PTPRM: variants seen among roughly 807,000 people sequenced by gnomAD.
The protein encoded by PTPRM is receptor-type tyrosine-protein phosphatase mu.
PTPRM carries 47 observed loss-of-function variants against 186.7 expected under a neutral mutation model. The observed-to-expected ratio is 0.25, with a 90% CI of 0.20 to 0.32. PTPRM has a LOEUF of 0.32. Ranked by LOEUF, PTPRM falls within the 10% of genes least tolerant of loss-of-function variation. The pLI, the probability that PTPRM is intolerant of heterozygous loss-of-function variation, is 1.00. For missense variants in PTPRM, 1,494 were observed against 1,865.0 expected (o/e 0.80, Z 3.66); for synonymous variants, 668 against 674.9 (o/e 0.99, Z 0.16).
chr18:8,354,116 G>A (rs1325319850), intron 23 of PTPRM, among the ~76,000 whole-genome samples: 1 of 152,044 alleles, frequency 6.6e-6, no homozygotes, highest in Non-Finnish European at 1.5e-5. Flanking sequence ...GGGAGGCTGA[G>A]GCAGGAGAAT....
rs79162805 is a variant in PTPRM at position 7,891,171 on chromosome 18, A to G, written c.468+2794A>G. ...CATGGTGGCGTGTGCCTGTAGTTGC[A>G]GCTACTCAGGAGGCTGAGGCTGGAA... On this transcript the variant is annotated intron_variant, in intron 3 of 32. Coordinates refer to ENST00000580170, the MANE Select transcript of PTPRM (RefSeq NM_001105244.2). Among the ~76,000 whole-genome samples, 700 of 151,478 alleles carry G rather than the reference A, an allele frequency of 4.6e-3. 8 individuals carry two copies. The highest frequency in any genetic ancestry group is 0.016 in the African/African-American group (663 of 41,330).
chr18:8,234,933 T>A (rs2094326994), intron 14 of PTPRM, among the ~76,000 whole-genome samples: 1 of 152,140 alleles, frequency 6.6e-6, no homozygotes, highest in African/African-American at 2.4e-5. Flanking sequence ...CTGAAATATA[T>A]TCTACTTGGC....
chr18:8,078,910 C>T (rs894995855), intron 9 of PTPRM, among the ~76,000 whole-genome samples: 2 of 152,146 alleles, frequency 1.3e-5, no homozygotes, highest in African/African-American at 2.4e-5. Context: ...AAGCCGTTCA[C>T]GAAGGTTCTG....
chr18:8,344,998 G>T (rs2095497555), intron 23 of PTPRM, among the ~76,000 whole-genome samples: 1 of 152,122 alleles, frequency 6.6e-6, no homozygotes, highest in African/African-American at 2.4e-5. Context: ...ACTTAGGTAG[G>T]ATCTGTGGGG....
chr18:7,886,913 GT>G (rs1412160148), intron 2 of PTPRM, among the ~76,000 whole-genome samples: 1 of 152,124 alleles, frequency 6.6e-6, no homozygotes, highest in Admixed American at 6.5e-5. Context: ...TGGTCTTCTT[GT>G]TTTGCTGTTT....
At chr18:8,372,862 GT>G (rs1041628571) in intron 24 of PTPRM, among the ~76,000 whole-genome samples, 1 of 152,046 alleles carries the variant, frequency 6.6e-6, no homozygotes, top group South Asian at 2.1e-4. Context: ...TAAACATGGA[GT>G]TTTTTTGAAC....
At chr18:8,141,095 C>T (rs2092756404) in intron 13 of PTPRM, among the ~76,000 whole-genome samples, 1 of 152,020 alleles carries the variant, frequency 6.6e-6, no homozygotes, top group African/African-American at 2.4e-5. Flanking sequence ...TTAAGGAGAG[C>T]CTAAAGATGT....
At chr18:7,928,005 G>C (rs562533252) in intron 5 of PTPRM, among the ~76,000 whole-genome samples, 1 of 152,252 alleles carries the variant, frequency 6.6e-6, no homozygotes, top group South Asian at 2.1e-4. Flanking sequence ...GCCTCCTAAA[G>C]TGCTGGGATT....
rs541223141 is a variant in PTPRM at position 7,954,971 on chromosome 18, A to T, written c.839-150A>T. ...ATGCTATGAAAATCTTTTTCAACATACTTTTTCTTGTTAACCCAAACAAAA... is the reference window on the plus strand; with the variant it reads ...ATGCTATGAAAATCTTTTTCAACATTCTTTTTCTTGTTAACCCAAACAAAA... On this transcript the variant is annotated intron_variant, in intron 6 of 32. Coordinates refer to ENST00000580170, the MANE Select transcript of PTPRM (RefSeq NM_001105244.2). 124 of 734,284 alleles carry T rather than the reference A, an allele frequency of 1.7e-4. No homozygotes were observed. In the African/African-American group the frequency reaches 2.0e-3, roughly 12 times the overall value. 45.5% of individuals were successfully genotyped at this position (734,284 alleles called of 1,614,324 possible).
intron 14 of PTPRM, among the ~76,000 whole-genome samples, chr18:8,240,801 AG>A (rs2094422866): frequency 8.1e-5 from 3 of 36,896 alleles, no homozygotes; most frequent in African/African-American, 3.4e-4. Flanking sequence ...AGAGAGAGAG[AG>A]AGAGAGAGAG....
At chr18:7,669,925 G>A (rs1437976956) in intron 1 of PTPRM, among the ~76,000 whole-genome samples, 1 of 151,852 alleles carries the variant, frequency 6.6e-6, no homozygotes, top group African/African-American at 2.4e-5. Context: ...TGTATTTTTA[G>A]TAGAGAAAGG....
At position 8,394,603 on chromosome 18, in the gene PTPRM, G is replaced by T; in HGVS notation, c.4336G>T (p.Asp1446Tyr). 6.2e-7 allele frequency: 1 copy of T among 1,609,970 alleles called. No homozygotes were observed. Among genetic ancestry groups the T allele is most frequent in the South Asian group, 1.1e-5 (1 of 90,216 alleles). The change falls in exon 32 of 33, where the codon GAC (aspartate) becomes TAC (tyrosine). Residue 1446 changes from aspartate (D) to tyrosine (Y), a missense_variant. Physicochemically the swap from Asp to Tyr is radical, Grantham distance 160. Around this residue, in one of 3 missense-constraint regions of PTPRM, gnomAD observed 1,107 missense variants for 1,350.2 expected, o/e 0.82. Transcript: ENST00000580170. Reference sequence around the variant, plus strand: ...GAGGAACAACAAGCCCAACATGGTCGACCTCCTGGTAGGACACCCCCTCTG... The same window carrying T: ...GAGGAACAACAAGCCCAACATGGTCTACCTCCTGGTAGGACACCCCCTCTG... The part of the protein sequence containing the change: ...TLRNNKPNMV[D>Y]LLDQYKFCYE...
chr18:8,195,087 C>G (rs2093758550), intron 14 of PTPRM, among the ~76,000 whole-genome samples: 3 of 151,620 alleles, frequency 2.0e-5, no homozygotes, highest in Admixed American at 6.6e-5. Flanking sequence ...GTCATCCACA[C>G]TTTGGCCAGG....
chr18:7,618,438 C>T (rs539909877), intron 1 of PTPRM, among the ~76,000 whole-genome samples: 65 of 152,194 alleles, frequency 4.3e-4, no homozygotes, highest in Non-Finnish European at 7.1e-4. Flanking sequence ...CAGTTTGAAA[C>T]TTCTATTTAG....
intron 14 of PTPRM, among the ~76,000 whole-genome samples, chr18:8,144,045 C>T (rs140294855): frequency 6.6e-6 from 1 of 152,284 alleles, no homozygotes; most frequent in East Asian, 1.9e-4. Flanking sequence ...GCAGATAAAG[C>T]TCTGCAAAAT....
At chr18:7,744,718 C>A (rs566322977) in intron 1 of PTPRM, among the ~76,000 whole-genome samples, 2 of 152,188 alleles carry the variant, frequency 1.3e-5, no homozygotes, top group Admixed American at 6.5e-5. Context: ...GTATTGGACA[C>A]CCCCAATATT....
intron 2 of PTPRM, among the ~76,000 whole-genome samples, chr18:7,833,470 A>G (rs529389458): frequency 2.0e-5 from 3 of 152,282 alleles, no homozygotes; most frequent in African/African-American, 7.2e-5. Flanking sequence ...GCAGTGGCCC[A>G]TGCCTGTAAT....
intron 11 of PTPRM, among the ~76,000 whole-genome samples, chr18:8,095,524 A>G (rs957940975): frequency 6.6e-6 from 1 of 152,134 alleles, no homozygotes; most frequent in Non-Finnish European, 1.5e-5. Flanking sequence ...TGTACTCCAT[A>G]CCAATAAGTA....
At chr18:7,637,557 T>G (rs1018212948) in intron 1 of PTPRM, among the ~76,000 whole-genome samples, 6 of 152,364 alleles carry the variant, frequency 3.9e-5, no homozygotes, top group African/African-American at 1.4e-4. Context: ...TGCCAGGCAG[T>G]GTCTAGTGTC....
Sources: allele counts gnomAD v4.1 joint callset (sites outside exome capture counted in the v4.1 genomes callset), GRCh38; gene constraint gnomAD v4.1.1; regional missense constraint gnomAD v4.1.1; transcripts MANE v1.5; gene names NCBI Gene and HGNC (gene_info 2026-07-23, HGNC 2026-07-21).